The following TNFRSF10A variants were observed in gnomAD, a reference collection of about 807,000 sequenced individuals.
The protein encoded by TNFRSF10A is tumor necrosis factor receptor superfamily member 10A.
Under a neutral mutation model 42.8 loss-of-function variants are expected in TNFRSF10A, and 44 were observed. The observed-to-expected ratio is 1.03, with a 90% CI of 0.81 to 1.32. TNFRSF10A has a LOEUF of 1.32. TNFRSF10A is among the 40% of genes most tolerant of loss of function. The probability of loss-of-function intolerance (pLI) is 0.00; values close to 1 mark genes in which losing one functional copy is unlikely to be tolerated. For missense variants in TNFRSF10A, 680 were observed against 602.0 expected, an observed-to-expected ratio of 1.13 and a Z score of -1.36; for synonymous variants, 259 against 234.2, an observed-to-expected ratio of 1.11 and a Z score of -0.97.
intron 1 of TNFRSF10A, among the ~76,000 whole-genome samples, chr8:23,224,019 A>G (rs956618852): frequency 1.3e-5 from 2 of 152,150 alleles, no homozygotes; most frequent in African/African-American, 4.8e-5. Context: ...TGTTTAACCA[A>G]TTTGTCTAAG....
At chr8:23,213,435 TC>T (rs1801118450) in intron 1 of TNFRSF10A, among the ~76,000 whole-genome samples, 2 of 110,156 alleles carry the variant, frequency 1.8e-5, no homozygotes, top group South Asian at 3.3e-4. Context: ...AGTTTGCTCC[TC>T]TTTTTTTTTT....
rs1376755994 is a variant in TNFRSF10A, at chr8:23,219,417, G to A, written c.306+5339C>T. Among the ~76,000 whole-genome samples the A allele has an allele frequency of 7.2e-5, 10 of 138,050 alleles. 3 individuals are homozygous for A. The highest frequency in any genetic ancestry group is 1.4e-4 in the Non-Finnish European group (9 of 63,444). The allele number at this position is 138,050 out of a possible 152,430, so 90.6% of individuals were successfully genotyped here. ...CTAAGGAACCCTAGGAGCTCCCAGA[G>A]GCCAAGTGCAGGGCAGAGATGTGGA... On this transcript the variant is annotated intron_variant, in intron 1 of 9. Coordinates refer to ENST00000221132, the MANE Select transcript of TNFRSF10A (RefSeq NM_003844.4).
At position 23,204,371 on chromosome 8, in the gene TNFRSF10A, T is replaced by A. The variant is rs896794166; in HGVS notation, c.404-1610A>T. Among the ~76,000 whole-genome samples the A allele has an allele frequency of 2.6e-5, 4 of 152,126 alleles. No homozygotes were observed. In the East Asian group the frequency reaches 7.7e-4, roughly 29 times the overall value. On this transcript the variant is annotated intron_variant, in intron 2 of 9. Coordinates refer to ENST00000221132, the MANE Select transcript of TNFRSF10A (RefSeq NM_003844.4). ...TGCATAAAGTTAACTATATGAAAATTAGGAAGAAAACTGCATGGAAGAAAT... is the reference window on the plus strand; with the variant it reads ...TGCATAAAGTTAACTATATGAAAATAAGGAAGAAAACTGCATGGAAGAAAT...
chr8:23,211,227 T>C (rs1801088001), intron 2 of TNFRSF10A, among the ~76,000 whole-genome samples: 1 of 152,138 alleles, frequency 6.6e-6, no homozygotes, highest in African/African-American at 2.4e-5. Flanking sequence ...ACAAGATCAA[T>C]GTACAAAAAT....
In TNFRSF10A at chr8:23,197,073, T is replaced by A. The variant is rs545497051; in HGVS notation, c.1087+59A>T. 3.2e-5 allele frequency: 52 copies of A among 1,606,562 alleles called. No homozygotes were observed. The African/African-American group carries it at 6.8e-4, about 21-fold the overall frequency. On this transcript the variant is annotated intron_variant, in intron 9 of 9. Transcript: ENST00000221132. Reference sequence around the variant, plus strand: ...GCACTCTCAGCAATGGGGACACCAGTTAGGACACCGTCCCTATTCCCACCA... The same window carrying A: ...GCACTCTCAGCAATGGGGACACCAGATAGGACACCGTCCCTATTCCCACCA...
intron 1 of TNFRSF10A, among the ~76,000 whole-genome samples, chr8:23,223,100 C>G (rs1157608767): frequency 1.3e-5 from 2 of 152,248 alleles, no homozygotes; most frequent in Non-Finnish European, 2.9e-5. Flanking sequence ...GAGTCTCCCT[C>G]TGTCGCCCAG....
intron 4 of TNFRSF10A, 125 bp from the exon 5 acceptor site, chr8:23,200,885 G>C: frequency 1.1e-6 from 1 of 891,844 alleles, no homozygotes; most frequent in South Asian, 1.5e-5. Context: ...TAGTCTCCTC[G>C]TATCTGCAGG....
intron 3 of TNFRSF10A, 24 bp from the exon 4 acceptor site, chr8:23,201,943 G>C (rs1166800178): frequency 6.2e-7 from 1 of 1,608,106 alleles, no homozygotes; most frequent in Admixed American, 1.7e-5. Flanking sequence ...ACAAGGTTTT[G>C]GGAATGTGTT....
chr8:23,200,005 G>C, intron 6 of TNFRSF10A, 88 bp from the exon 7 acceptor site: 1 of 1,531,946 alleles, frequency 6.5e-7, no homozygotes, highest in Non-Finnish European at 9.0e-7. Context: ...GGGGTGGGCT[G>C]GGGGCTGGGA....
intron 2 of TNFRSF10A, among the ~76,000 whole-genome samples, chr8:23,205,588 A>G (rs1361848984): frequency 6.6e-6 from 1 of 152,182 alleles, no homozygotes; most frequent in East Asian, 1.9e-4. Context: ...CAGAGGACAT[A>G]GGAGTTGACA....
chr8:23,212,014 G>T, intron 2 of TNFRSF10A, 102 bp downstream of exon 2: 1 of 1,061,832 alleles, frequency 9.4e-7, no homozygotes, highest in Non-Finnish European at 1.4e-6. Context: ...TGAAGAACAT[G>T]GAAAAGGAAT....
In TNFRSF10A at chr8:23,212,210, G is replaced by A. The variant is rs919638596; in HGVS notation, c.309C>T (p.Val103=). 41 of 1,612,656 alleles carry A rather than the reference G, an allele frequency of 2.5e-5. No individual in the cohort carries two copies. Among genetic ancestry groups the A allele is most frequent in the Non-Finnish European group, 3.1e-5 (37 of 1,179,140 alleles). Reference sequence around the variant, plus strand: ...TGATGGTTGCAGCTGAGCTAGGTACGACCTGTGGGGACAAAGCAGGGACTG... The same window carrying A: ...TGATGGTTGCAGCTGAGCTAGGTACAACCTGTGGGGACAAAGCAGGGACTG... The part of the protein sequence containing the change: ...KFVVVGVLLQ[V]VPSSAATIKL... The change falls in exon 2 of 10, where the codon GTC becomes GTT. Residue 103 remains valine, a splice_region_variant and synonymous_variant. Transcript: ENST00000221132.
intron 9 of TNFRSF10A, among the ~76,000 whole-genome samples, chr8:23,194,646 T>C (rs1457825699): frequency 6.6e-6 from 1 of 152,214 alleles, no homozygotes; most frequent in East Asian, 1.9e-4. Flanking sequence ...GGTGAGCACC[T>C]GATGTTCACT....
rs757121283 is a variant in TNFRSF10A, at chr8:23,200,751, T to C, written c.639A>G (p.Arg213=). ...TACAATCCTTGACCTTGACCATCCC[T>C]CTGGGGCACCTGGGTACACACAGGG... ...MCRKCSRGCP[R]GMVKVKDCTP... The change falls in exon 5 of 10, where the codon AGA becomes AGG. Residue 213 remains arginine (R), a synonymous_variant. Coordinates refer to ENST00000221132, the MANE Select transcript of TNFRSF10A (RefSeq NM_003844.4). 2.7e-6 allele frequency: 4 copies of C among 1,472,552 alleles called. No individual in the cohort carries two copies. The South Asian group carries it at 3.4e-5, about 12-fold the overall frequency. The allele number at this position is 1,472,552 out of a possible 1,614,324, so 91.2% of individuals were successfully genotyped here.
chr8:23,200,015 A>G (rs1436525708), intron 6 of TNFRSF10A, 98 bp from the exon 7 acceptor site: 22 of 1,483,734 alleles, frequency 1.5e-5, no homozygotes, highest in Non-Finnish European at 2.1e-5. Flanking sequence ...GGGGGCTGGG[A>G]CACTGGACAA....
At chr8:23,197,438 G>A (rs148212429) in intron 8 of TNFRSF10A, among the ~76,000 whole-genome samples, 5 of 152,256 alleles carry the variant, frequency 3.3e-5, no homozygotes, top group African/African-American at 9.6e-5. Flanking sequence ...TCTTATAGGA[G>A]TGCAAACCCT....
intron 9 of TNFRSF10A, among the ~76,000 whole-genome samples, chr8:23,194,647 G>C (rs1348544208): frequency 6.6e-6 from 1 of 152,182 alleles, no homozygotes; most frequent in Non-Finnish European, 1.5e-5. Context: ...GTGAGCACCT[G>C]ATGTTCACTG....
chr8:23,211,794 G>A (rs927387300), intron 2 of TNFRSF10A, among the ~76,000 whole-genome samples: 2 of 152,152 alleles, frequency 1.3e-5, no homozygotes, highest in African/African-American at 4.8e-5. Context: ...TCATTTCAAC[G>A]AATGGCAACT....
At chr8:23,216,634 C>T (rs1280910250) in intron 1 of TNFRSF10A, among the ~76,000 whole-genome samples, 1 of 151,544 alleles carries the variant, frequency 6.6e-6, no homozygotes, top group Admixed American at 6.6e-5. Context: ...CCCAGCTACT[C>T]GGGAGGCTGA....
Sources: gnomAD v4.1 joint callset for allele counts (sites outside exome capture counted in the v4.1 genomes callset) on GRCh38, gnomAD v4.1.1 for gene constraint, MANE v1.5 for transcripts, NCBI Gene and HGNC (gene_info 2026-07-23, HGNC 2026-07-21) for gene names.